Variants in MAF observed in about 807,000 individuals in gnomAD.
MAF encodes the protein MAF bZIP transcription factor, also known as transcription factor Maf.
A neutral mutation model predicts 22.0 loss-of-function variants in MAF; 10 were observed. That is an observed-to-expected ratio of 0.45 (90% CI 0.28 to 0.77). The LOEUF is 0.77. Ranked by LOEUF, MAF falls within the 30% of genes least tolerant of loss-of-function variation. The pLI, the probability that MAF is intolerant of heterozygous loss-of-function variation, is 0.12. For missense variants in MAF, 544 were observed against 548.4 expected, an observed-to-expected ratio of 0.99 and a Z score of 0.08; for synonymous variants, 337 against 255.8, an observed-to-expected ratio of 1.32 and a Z score of -3.03.
the MAF span, among the ~76,000 whole-genome samples, chr16:79,558,917 A>G: frequency 6.6e-6 from 1 of 152,246 alleles, no homozygotes; most frequent in South Asian, 2.1e-4. Context: ...CTCTCAAGTC[A>G]AACAAATTAT....
the MAF span, among the ~76,000 whole-genome samples, chr16:79,518,923 C>T: frequency 6.6e-6 from 1 of 151,996 alleles, no homozygotes; most frequent in Admixed American, 6.6e-5. Context: ...GAAACTCTGT[C>T]TCAAAAAATA....
the MAF span, among the ~76,000 whole-genome samples, chr16:79,321,645 C>CTTTTTTT: frequency 2.0e-4 from 17 of 86,972 alleles, no homozygotes; most frequent in African/African-American, 5.3e-4. Flanking sequence ...TTTTCTTTTT[C>CTTTTTTT]TTTTTTTTTT....
chr16:79,430,834 G>A, the MAF span, among the ~76,000 whole-genome samples: 1 of 152,160 alleles, frequency 6.6e-6, no homozygotes, highest in Non-Finnish European at 1.5e-5. Flanking sequence ...CTCTGCTCTT[G>A]GCCTCAGCAC....
At chr16:79,274,697 T>A in the MAF span, among the ~76,000 whole-genome samples, 2 of 152,136 alleles carry the variant, frequency 1.3e-5, no homozygotes, top group Non-Finnish European at 2.9e-5. Context: ...AGAATGGTCT[T>A]TGTACCATCA....
chr16:79,588,504 G>A (rs1253289883), intron 1 of MAF, among the ~76,000 whole-genome samples: 2 of 151,976 alleles, frequency 1.3e-5, no homozygotes, highest in East Asian at 1.9e-4. Context: ...GCGCAATCTG[G>A]GCTTACTGCA....
the MAF span, among the ~76,000 whole-genome samples, chr16:79,425,250 G>A: frequency 1.3e-5 from 2 of 152,184 alleles, no homozygotes; most frequent in East Asian, 1.9e-4. Context: ...ATAGTATTGT[G>A]ATGGAGGTTC....
the MAF span, among the ~76,000 whole-genome samples, chr16:79,404,701 C>T: frequency 6.6e-6 from 1 of 151,914 alleles, no homozygotes; most frequent in Non-Finnish European, 1.5e-5. Context: ...GGTACGTCTC[C>T]CCAGTGGATG....
At chr16:79,547,300 T>C in the MAF span, among the ~76,000 whole-genome samples, 1 of 151,236 alleles carries the variant, frequency 6.6e-6, no homozygotes, top group Non-Finnish European at 1.5e-5. Context: ...CACACACACA[T>C]ACTCCTATAC....
At chr16:79,211,248 T>A in the MAF span, among the ~76,000 whole-genome samples, 1 of 151,864 alleles carries the variant, frequency 6.6e-6, no homozygotes, top group African/African-American at 2.4e-5. Flanking sequence ...ATGGAGAAGT[T>A]GAGGGGTTGG....
the MAF span, among the ~76,000 whole-genome samples, chr16:79,462,631 A>G: frequency 6.6e-6 from 1 of 152,200 alleles, no homozygotes; most frequent in Admixed American, 6.5e-5. Context: ...GTTCACACAC[A>G]TGTATACAAA....
chr16:79,311,674 G>C, the MAF span, among the ~76,000 whole-genome samples: 1 of 152,066 alleles, frequency 6.6e-6, no homozygotes. Flanking sequence ...AGAAATTTCT[G>C]CCGTTTCACT....
At chr16:79,342,909 A>C in the MAF span, among the ~76,000 whole-genome samples, 1 of 152,202 alleles carries the variant, frequency 6.6e-6, no homozygotes, top group Admixed American at 6.5e-5. Context: ...TCGTTCTTAC[A>C]GTTAAATTGC....
the MAF span, among the ~76,000 whole-genome samples, chr16:79,290,118 A>G: frequency 1.3e-5 from 2 of 152,028 alleles, no homozygotes; most frequent in African/African-American, 4.8e-5. Context: ...CGGCCTCCCA[A>G]AGTGCTGGGA....
At chr16:79,564,032 G>C in the MAF span, among the ~76,000 whole-genome samples, 2 of 152,200 alleles carry the variant, frequency 1.3e-5, no homozygotes, top group African/African-American at 4.8e-5. Context: ...AAAAAAGAGA[G>C]ACCTTTCAGG....
the MAF span, among the ~76,000 whole-genome samples, chr16:79,566,916 G>C: frequency 6.6e-6 from 1 of 152,174 alleles, no homozygotes; most frequent in East Asian, 1.9e-4. Context: ...AAATGGACTT[G>C]GATAGAATCT....
At chr16:79,487,580 C>T in the MAF span, among the ~76,000 whole-genome samples, 5 of 152,122 alleles carry the variant, frequency 3.3e-5, no homozygotes, top group Non-Finnish European at 7.3e-5. Context: ...GAAGAAAAAG[C>T]CCCGTTGTCC....
At chr16:79,382,845 G>A in the MAF span, among the ~76,000 whole-genome samples, 3 of 152,184 alleles carry the variant, frequency 2.0e-5, no homozygotes. Context: ...TCTAGTGCAC[G>A]AATTAGGTGA....
downstream of MAF, among the ~76,000 whole-genome samples, chr16:79,581,421 G>A (rs1312062860): frequency 1.3e-5 from 2 of 152,184 alleles, no homozygotes; most frequent in East Asian, 1.9e-4. Context: ...CAACCCTGGC[G>A]TTAGAATCCC....
In MAF at chr16:79,586,117, G is replaced by C. The variant is rs560742346; in HGVS notation, c.1119-176C>G. On this transcript the variant is annotated intron_variant, in intron 1 of 1. Coordinates refer to the MAF transcript ENST00000569649. ...TGGTGGCCTCAACCCTGTCAAGCCA[G>C]AGGAGGGGTTGACGTGGAAGGGAAT... 3.9e-5 allele frequency among the ~76,000 whole-genome samples: 6 copies of C among 152,320 alleles called. No homozygotes were observed. The East Asian group carries it at 1.2e-3, about 29-fold the overall frequency.
Sources: gnomAD v4.1 joint callset for allele counts (sites outside exome capture counted in the v4.1 genomes callset) on GRCh38, gnomAD v4.1.1 for gene constraint, MANE v1.5 for transcripts, NCBI Gene and HGNC (gene_info 2026-07-23, HGNC 2026-07-21) for gene names.